Variants in TRABD2B observed in about 807,000 individuals in gnomAD.
TRABD2B encodes the protein metalloprotease TIKI2.
A neutral mutation model predicts 40.1 loss-of-function variants in TRABD2B; 14 were observed. The ratio of observed to expected loss-of-function variants is 0.35; its 90% CI spans 0.23 to 0.55. TRABD2B has a LOEUF of 0.55. Ranked by LOEUF, TRABD2B falls within the 20% of genes least tolerant of loss-of-function variation. TRABD2B has a pLI of 0.90. For synonymous variants in TRABD2B, 263 were observed against 277.0 expected, an observed-to-expected ratio of 0.95 and a Z score of 0.50; for missense variants, 541 against 648.6, an observed-to-expected ratio of 0.83 and a Z score of 1.80.
chr1:47,924,945 C>A (rs990826861), intron 2 of TRABD2B, among the ~76,000 whole-genome samples: 1 of 152,160 alleles, frequency 6.6e-6, no homozygotes, highest in Non-Finnish European at 1.5e-5. Context: ...CCAGAGGCAG[C>A]GCTTGGCTCA....
intron 6 of TRABD2B, among the ~76,000 whole-genome samples, chr1:47,771,457 G>T (rs930903472): frequency 6.6e-6 from 1 of 152,204 alleles, no homozygotes; most frequent in African/African-American, 2.4e-5. Context: ...ACTTGCCCAA[G>T]GACTTCCAAT....
At chr1:47,964,628 G>T (rs1170798129) in intron 2 of TRABD2B, among the ~76,000 whole-genome samples, 1 of 152,168 alleles carries the variant, frequency 6.6e-6, no homozygotes, top group East Asian at 1.9e-4. Flanking sequence ...GTAGAAACTT[G>T]AAATTTTAGT....
chr1:47,967,700 T>G (rs1436166355), intron 2 of TRABD2B, among the ~76,000 whole-genome samples: 1 of 152,136 alleles, frequency 6.6e-6, no homozygotes, highest in East Asian at 1.9e-4. Flanking sequence ...TAGAAAATAA[T>G]AGCAGCCTAG....
intron 2 of TRABD2B, among the ~76,000 whole-genome samples, chr1:47,821,113 A>G (rs1486837051): frequency 6.6e-6 from 1 of 152,098 alleles, no homozygotes; most frequent in Non-Finnish European, 1.5e-5. Context: ...TCACCCTCTG[A>G]GCTGAAACGG....
intron 2 of TRABD2B, among the ~76,000 whole-genome samples, chr1:47,851,405 G>A (rs995211549): frequency 6.6e-6 from 1 of 152,166 alleles, no homozygotes; most frequent in African/African-American, 2.4e-5. Context: ...CCTAAGGAGA[G>A]TCACAAGAAT....
At chr1:47,829,529 G>A (rs963332804) in intron 2 of TRABD2B, among the ~76,000 whole-genome samples, 52 of 152,006 alleles carry the variant, frequency 3.4e-4, no homozygotes, top group African/African-American at 1.2e-3. Flanking sequence ...GGGTCAGCCC[G>A]GACTCCATCC....
At chr1:47,810,078 A>G (rs1644941999) in intron 2 of TRABD2B, among the ~76,000 whole-genome samples, 1 of 152,120 alleles carries the variant, frequency 6.6e-6, no homozygotes, top group South Asian at 2.1e-4. Context: ...GAAGTAAACC[A>G]TCCAGTATGT....
chr1:47,958,204 A>C lies in TRABD2B; in HGVS notation c.666+35830T>G, dbSNP rs113271298. Among the ~76,000 whole-genome samples the C allele has an allele frequency of 4.1e-5, 6 of 147,598 alleles. 2 individuals are homozygous for C. The highest frequency in any genetic ancestry group is 1.5e-4 in the African/African-American group (6 of 39,948). On this transcript the variant is annotated intron_variant, in intron 2 of 6. Coordinates refer to ENST00000606738, the MANE Select transcript of TRABD2B (RefSeq NM_001194986.2). ...AGGCCTGCCTTACAAGAGCTCCTGA[A>C]GGAAGCACTAAACATGGAAAGGAAC...
chr1:47,785,840 G>A (rs1644587880), intron 4 of TRABD2B, among the ~76,000 whole-genome samples: 2 of 152,202 alleles, frequency 1.3e-5, no homozygotes, highest in African/African-American at 4.8e-5. Flanking sequence ...ACTCCTGGGA[G>A]CTCCCTGTTG....
chr1:47,937,506 A>G (rs1387528781), intron 2 of TRABD2B, among the ~76,000 whole-genome samples: 1 of 152,204 alleles, frequency 6.6e-6, no homozygotes, highest in Non-Finnish European at 1.5e-5. Flanking sequence ...TATCATTGTC[A>G]TCACCACCAT....
intron 2 of TRABD2B, among the ~76,000 whole-genome samples, chr1:47,826,007 A>T (rs1370838538): frequency 6.6e-6 from 1 of 152,224 alleles, no homozygotes; most frequent in Non-Finnish European, 1.5e-5. Flanking sequence ...TTTCCTCACC[A>T]ATGCAGGTCC....
intron 2 of TRABD2B, among the ~76,000 whole-genome samples, chr1:47,972,939 A>C (rs966446379): frequency 6.6e-6 from 1 of 150,998 alleles, no homozygotes; most frequent in Non-Finnish European, 1.5e-5. Flanking sequence ...TGGGGACTGT[A>C]CGTGCATGGT....
intron 2 of TRABD2B, among the ~76,000 whole-genome samples, chr1:47,926,343 T>G (rs1028890002): frequency 2.0e-5 from 3 of 152,142 alleles, no homozygotes; most frequent in African/African-American, 7.2e-5. Flanking sequence ...GTGCGTTCTA[T>G]TGCACTGTAG....
chr1:47,868,695 A>G (rs1018796033), intron 2 of TRABD2B, among the ~76,000 whole-genome samples: 4 of 152,142 alleles, frequency 2.6e-5, no homozygotes, highest in African/African-American at 9.7e-5. Context: ...TCCTCACCCT[A>G]GACTGTGGAA....
intron 2 of TRABD2B, among the ~76,000 whole-genome samples, chr1:47,956,932 T>C (rs956474466): frequency 6.6e-6 from 1 of 152,186 alleles, no homozygotes; most frequent in African/African-American, 2.4e-5. Flanking sequence ...GACCCATGAG[T>C]AGCCTAACTG....
At chr1:47,812,233 C>A (rs1344662800) in intron 2 of TRABD2B, among the ~76,000 whole-genome samples, 4 of 152,228 alleles carry the variant, frequency 2.6e-5, no homozygotes, top group Non-Finnish European at 4.4e-5. Flanking sequence ...CCTACACCAA[C>A]TTATCCTCAG....
At chr1:47,933,020 A>G (rs1277817367) in intron 2 of TRABD2B, among the ~76,000 whole-genome samples, 1 of 152,102 alleles carries the variant, frequency 6.6e-6, no homozygotes, top group East Asian at 1.9e-4. Flanking sequence ...GGCAAAGGAC[A>G]TGAGTGGCAA....
intron 2 of TRABD2B, among the ~76,000 whole-genome samples, chr1:47,915,528 G>A (rs1050120922): frequency 1.3e-5 from 2 of 152,182 alleles, no homozygotes; most frequent in African/African-American, 2.4e-5. Flanking sequence ...TTTTACAGAT[G>A]AGTAAAGTAA....
intron 2 of TRABD2B, among the ~76,000 whole-genome samples, chr1:47,886,691 C>T (rs889262614): frequency 6.6e-6 from 1 of 152,130 alleles, no homozygotes; most frequent in Non-Finnish European, 1.5e-5. Context: ...GAAATAACAA[C>T]AAAAAATATT....
Sources: gnomAD v4.1 joint callset for allele counts (sites outside exome capture counted in the v4.1 genomes callset) on GRCh38, gnomAD v4.1.1 for gene constraint, MANE v1.5 for transcripts, NCBI Gene and HGNC (gene_info 2026-07-23, HGNC 2026-07-21) for gene names.